CDS2: variants seen among roughly 807,000 people sequenced by gnomAD.
CDS2 encodes CDP-diacylglycerol synthase 2.
CDS2 carries 47 observed loss-of-function variants against 59.0 expected under a neutral mutation model. That is an observed-to-expected ratio of 0.80 (90% CI 0.63 to 1.02). The LOEUF (loss-of-function observed/expected upper bound fraction) is 1.02, where lower values mean the gene tolerates loss of function less well. CDS2 is among the 50% of genes least tolerant of loss of function. The probability of loss-of-function intolerance (pLI) is 0.00; values close to 1 mark genes in which losing one functional copy is unlikely to be tolerated. For missense variants in CDS2, 356 were observed against 558.9 expected, an observed-to-expected ratio of 0.64 and a Z score of 3.66; for synonymous variants, 207 against 206.4, an observed-to-expected ratio of 1.00 and a Z score of -0.02.
At chr20:5,173,280 A>C (rs752281920) in intron 1 of CDS2, among the ~76,000 whole-genome samples, 1 of 152,200 alleles carries the variant, frequency 6.6e-6, no homozygotes, top group Non-Finnish European at 1.5e-5. Context: ...CTCTGCGGTT[A>C]AGCAGATGGT....
Position 5,195,556 on chromosome 20 carries a change from A to G in CDS2, c.*5322A>G, listed in dbSNP as rs1389183463. 2 of 152,018 alleles carry G rather than the reference A, an allele frequency of 1.3e-5. No individual in the cohort carries two copies. The highest frequency in any genetic ancestry group is 3.9e-4 in the East Asian group (2 of 5,162). 9.4% of individuals were successfully genotyped at this position (152,018 alleles called of 1,614,324 possible). On this transcript the variant is annotated 3_prime_UTR_variant, in exon 13 of 13. Coordinates refer to ENST00000460006, the MANE Select transcript of CDS2 (RefSeq NM_003818.4). The stretch of plus-strand genomic sequence containing the variant: ...TCTGGGCAGGGAGGGCCTGTCTGTG[A>G]CTCGCTCTGGACCCCACTTCCCGCT...
chr20:5,129,949 A>G (rs1237441938), intron 1 of CDS2, among the ~76,000 whole-genome samples: 1 of 152,062 alleles, frequency 6.6e-6, no homozygotes, highest in Non-Finnish European at 1.5e-5. Context: ...GAATGTATAT[A>G]GTAAACTTTT....
intron 1 of CDS2, among the ~76,000 whole-genome samples, chr20:5,158,281 T>C (rs571735613): frequency 1.3e-5 from 2 of 152,106 alleles, no homozygotes; most frequent in Admixed American, 1.3e-4. Flanking sequence ...GTGATTCTCT[T>C]GCCTCAGCCT....
intron 1 of CDS2, among the ~76,000 whole-genome samples, chr20:5,143,401 C>A (rs2090711460): frequency 6.6e-6 from 1 of 152,154 alleles, no homozygotes. Flanking sequence ...GCTAAATATA[C>A]ACAGACTTTG....
intron 7 of CDS2, among the ~76,000 whole-genome samples, chr20:5,183,914 T>G (rs2091048834): frequency 6.6e-6 from 1 of 152,164 alleles, no homozygotes; most frequent in African/African-American, 2.4e-5. Context: ...ACCCAACACT[T>G]TTGGAGGCCA....
At position 5,192,708 on chromosome 20, in the gene CDS2, A is replaced by G. The variant is rs1325970334; in HGVS notation, c.*2474A>G. On this transcript the variant is annotated 3_prime_UTR_variant, in exon 13 of 13. Coordinates refer to ENST00000460006, the MANE Select transcript of CDS2 (RefSeq NM_003818.4). The stretch of plus-strand genomic sequence containing the variant: ...AATTCCCTGTTTATCACTTCCATGC[A>G]TGGTTTTATGCTTCTCATTTGTTTA... The G allele has an allele frequency of 1.3e-5, 2 of 151,838 alleles. No individual in the cohort carries two copies. Among genetic ancestry groups the G allele is most frequent in the African/African-American group, 2.4e-5 (1 of 41,292 alleles). The allele number at this position is 151,838 out of a possible 1,614,324, so 9.4% of individuals were successfully genotyped here. A position where few individuals can be genotyped will look rare whatever the true frequency, so the allele number is the denominator to read the frequency against.
intron 1 of CDS2, among the ~76,000 whole-genome samples, chr20:5,130,631 A>C (rs1358140330): frequency 4.6e-5 from 7 of 151,984 alleles, no homozygotes. Flanking sequence ...TAAAAATACA[A>C]AATTAGCCGG....
At chr20:5,144,093 CAGA>C (rs1339864993) in intron 1 of CDS2, among the ~76,000 whole-genome samples, 1 of 152,066 alleles carries the variant, frequency 6.6e-6, no homozygotes, top group Non-Finnish European at 1.5e-5. Context: ...GGTATATACC[CAGA>C]AGAACTGGAT....
At position 5,189,817 on chromosome 20, in the gene CDS2, T is replaced by C. The variant is rs760086618; in HGVS notation, c.1184T>C (p.Val395Ala). 2.3e-5 allele frequency: 37 copies of C among 1,613,732 alleles called. No individual in the cohort carries two copies. The highest frequency in any genetic ancestry group is 4.5e-5 in the East Asian group (2 of 44,898). Residue 395 changes from valine to alanine, a missense_variant, in exon 12 of 13, where the codon GTA (valine) becomes GCA (alanine). This residue lies in a region of CDS2 where 41 missense variants were observed against 104.4 expected (regional missense o/e 0.39). Coordinates refer to ENST00000460006, the MANE Select transcript of CDS2 (RefSeq NM_003818.4). ...TATCTGATGGCCACCTTTGTCAATG[T>C]ATACATCGCCAGTTTTATCAGGTAT... ...CQYLMATFVN[V>A]YIASFIRGPN... is the part of the protein sequence containing the mutation.
chr20:5,170,142 T>C (rs900630451), intron 1 of CDS2, among the ~76,000 whole-genome samples: 1 of 152,208 alleles, frequency 6.6e-6, no homozygotes, highest in African/African-American at 2.4e-5. Flanking sequence ...GATGGAGGCC[T>C]GTGCTGTGTG....
rs919218554 is a variant in CDS2 at position 5,130,827 on chromosome 20, C to T, written c.57+3678C>T. Among the ~76,000 whole-genome samples the T allele has an allele frequency of 3.9e-5, 6 of 152,088 alleles. No homozygotes were observed. The East Asian group carries it at 7.7e-4, about 20-fold the overall frequency. On this transcript the variant is annotated intron_variant, in intron 1 of 12. Coordinates refer to ENST00000460006, the MANE Select transcript of CDS2 (RefSeq NM_003818.4). Reference sequence around the variant, plus strand: ...GCTCTGGAGGCTGGGCGTGGTAGCTCACGCCTGTAATCCCAGCACTTTGGG... The same window carrying T: ...GCTCTGGAGGCTGGGCGTGGTAGCTTACGCCTGTAATCCCAGCACTTTGGG...
intron 1 of CDS2, among the ~76,000 whole-genome samples, chr20:5,160,708 C>T (rs182781189): frequency 2.9e-3 from 448 of 152,244 alleles, no homozygotes; most frequent in Non-Finnish European, 4.8e-3. Context: ...TTAAACAACT[C>T]TCCCCTCTCA....
chr20:5,183,546 A>G (rs1331554313), intron 7 of CDS2, among the ~76,000 whole-genome samples: 3 of 152,238 alleles, frequency 2.0e-5, no homozygotes, highest in South Asian at 2.1e-4. Flanking sequence ...TGAATAGATC[A>G]GTAACTGTAA....
chr20:5,160,483 C>G (rs1212168764), intron 1 of CDS2, among the ~76,000 whole-genome samples: 1 of 152,160 alleles, frequency 6.6e-6, no homozygotes, highest in African/African-American at 2.4e-5. Flanking sequence ...GTTAGACTGT[C>G]TGCATTGTCC....
At position 5,191,140 on chromosome 20, in the gene CDS2, G is replaced by A. The variant is rs2091111598; in HGVS notation, c.*906G>A. The A allele has an allele frequency of 6.6e-6, 1 of 152,646 alleles. No homozygotes were observed. Among genetic ancestry groups the A allele is most frequent in the African/African-American group, 2.4e-5 (1 of 41,444 alleles). The allele number at this position is 152,646 out of a possible 1,614,324, so 9.5% of individuals were successfully genotyped here. A position where few individuals can be genotyped will look rare whatever the true frequency, so the allele number is the denominator to read the frequency against. The stretch of plus-strand genomic sequence containing the variant: ...ATGCACCCTTTGCCTGAACACCCAT[G>A]TAGCTGCTGTGTTGTGTATATATTA... On this transcript the variant is annotated 3_prime_UTR_variant, in exon 13 of 13. Coordinates refer to ENST00000460006, the MANE Select transcript of CDS2 (RefSeq NM_003818.4).
At chr20:5,131,901 AAT>A (rs1276726962) in intron 1 of CDS2, among the ~76,000 whole-genome samples, 9 of 151,562 alleles carry the variant, frequency 5.9e-5, no homozygotes, top group African/African-American at 2.2e-4. Flanking sequence ...CTTGTCACAT[AAT>A]ATGTTAGCTA....
Position 5,192,083 on chromosome 20 carries a change from G to A in CDS2, c.*1849G>A, listed in dbSNP as rs140508849. 0.01 allele frequency: 1,540 copies of A among 152,216 alleles called. 11 individuals carry two copies. The highest frequency in any genetic ancestry group is 0.061 in the Middle Eastern group (18 of 294). 9.4% of individuals were successfully genotyped at this position (152,216 alleles called of 1,614,324 possible). A position where few individuals can be genotyped will look rare whatever the true frequency, so the allele number is the denominator to read the frequency against. On this transcript the variant is annotated 3_prime_UTR_variant, in exon 13 of 13. Coordinates refer to ENST00000460006, the MANE Select transcript of CDS2 (RefSeq NM_003818.4). ...GAGTAGGTATCTCAGCAGCACACCC[G>A]AACAGTAAAGGTGATCAATAACGAA...
chr20:5,151,309 G>T (rs1476650749), intron 1 of CDS2, among the ~76,000 whole-genome samples: 1 of 152,090 alleles, frequency 6.6e-6, no homozygotes, highest in Admixed American at 6.5e-5. Flanking sequence ...ACACATTAGA[G>T]AATATCAAGT....
At chr20:5,170,052 T>C (rs2090943820) in intron 1 of CDS2, among the ~76,000 whole-genome samples, 1 of 152,122 alleles carries the variant, frequency 6.6e-6, no homozygotes, top group Non-Finnish European at 1.5e-5. Flanking sequence ...TTTATAGTTT[T>C]CATAGCCTTT....
Sources: gnomAD v4.1 joint callset for allele counts (sites outside exome capture counted in the v4.1 genomes callset) on GRCh38, gnomAD v4.1.1 for gene constraint, gnomAD v4.1.1 regional missense constraint, MANE v1.5 for transcripts, NCBI Gene and HGNC (gene_info 2026-07-23, HGNC 2026-07-21) for gene names.